PABPC4L: variants seen among roughly 807,000 people sequenced by gnomAD.
The protein encoded by PABPC4L is polyadenylate-binding protein 4-like.
For missense variants in PABPC4L, 452 were observed against 451.4 expected, an observed-to-expected ratio of 1.00 and a Z score of -0.01; for synonymous variants, 169 against 164.1, an observed-to-expected ratio of 1.03 and a Z score of -0.23.
chr4:134,009,532 T>C, the PABPC4L span, among the ~76,000 whole-genome samples: 14 of 152,108 alleles, frequency 9.2e-5, no homozygotes, highest in South Asian at 2.5e-3. Context: ...CAATAGATGT[T>C]TGGGCAGCAC....
At chr4:133,993,449 T>G in the PABPC4L span, among the ~76,000 whole-genome samples, 1 of 152,136 alleles carries the variant, frequency 6.6e-6, no homozygotes, top group Admixed American at 6.6e-5. Context: ...TTTAATAACA[T>G]ATCAGGTGGA....
the PABPC4L span, among the ~76,000 whole-genome samples, chr4:134,161,681 G>A: frequency 6.6e-6 from 1 of 152,086 alleles, no homozygotes. Flanking sequence ...GAATTCTTCA[G>A]TCTCAAAGAA....
the PABPC4L span, among the ~76,000 whole-genome samples, chr4:134,028,751 T>A: frequency 6.6e-6 from 1 of 152,106 alleles, no homozygotes; most frequent in African/African-American, 2.4e-5. Flanking sequence ...GTAATAATAA[T>A]AATATTTATG....
At chr4:134,035,416 T>A in the PABPC4L span, among the ~76,000 whole-genome samples, 1 of 143,550 alleles carries the variant, frequency 7.0e-6, no homozygotes. Flanking sequence ...TATTTTGGAC[T>A]GATGCTTGGT....
the PABPC4L span, among the ~76,000 whole-genome samples, chr4:133,996,942 A>G: frequency 6.6e-6 from 1 of 152,352 alleles, no homozygotes; most frequent in Non-Finnish European, 1.5e-5. Context: ...AAACAAATGT[A>G]GATAAGTTTC....
chr4:134,072,984 A>G, the PABPC4L span, among the ~76,000 whole-genome samples: 2 of 152,118 alleles, frequency 1.3e-5, no homozygotes, highest in Admixed American at 1.3e-4. Flanking sequence ...CTAAAATTCA[A>G]GATGAGATTT....
At chr4:134,055,518 A>G in the PABPC4L span, among the ~76,000 whole-genome samples, 51 of 151,946 alleles carry the variant, frequency 3.4e-4, no homozygotes, top group Non-Finnish European at 6.5e-4. Flanking sequence ...CAGAGCAATG[A>G]AAAAATTTTT....
At chr4:134,147,326 C>T in the PABPC4L span, among the ~76,000 whole-genome samples, 1 of 152,004 alleles carries the variant, frequency 6.6e-6, no homozygotes, top group African/African-American at 2.4e-5. Context: ...GTCTTAGTTT[C>T]AGTTTGGATT....
chr4:133,949,712 C>T, the PABPC4L span, among the ~76,000 whole-genome samples: 1 of 152,100 alleles, frequency 6.6e-6, no homozygotes, highest in East Asian at 1.9e-4. Flanking sequence ...GCTTGTTTTC[C>T]TTCCAAGTCT....
At chr4:134,091,997 C>A in the PABPC4L span, among the ~76,000 whole-genome samples, 1 of 151,906 alleles carries the variant, frequency 6.6e-6, no homozygotes, top group African/African-American at 2.4e-5. Flanking sequence ...AATATATTTG[C>A]TTCATAAGAG....
At chr4:134,184,843 T>A in the PABPC4L span, among the ~76,000 whole-genome samples, 1 of 152,010 alleles carries the variant, frequency 6.6e-6, no homozygotes, top group Admixed American at 6.6e-5. Context: ...ATACATCCCT[T>A]TTGGAATTTG....
the PABPC4L span, among the ~76,000 whole-genome samples, chr4:134,042,766 A>G: frequency 6.6e-6 from 1 of 152,146 alleles, no homozygotes; most frequent in African/African-American, 2.4e-5. Context: ...TTAAACATAA[A>G]CAATAGTGAA....
the PABPC4L span, among the ~76,000 whole-genome samples, chr4:133,982,190 G>A: frequency 2.0e-5 from 3 of 151,904 alleles, no homozygotes; most frequent in Non-Finnish European, 4.4e-5. Flanking sequence ...TGTTAAGTAA[G>A]GTATTTTTGA....
chr4:134,156,533 A>C, the PABPC4L span, among the ~76,000 whole-genome samples: 1 of 151,908 alleles, frequency 6.6e-6, no homozygotes, highest in Non-Finnish European at 1.5e-5. Flanking sequence ...GCACGGAAAA[A>C]AATAATATTT....
the PABPC4L span, among the ~76,000 whole-genome samples, chr4:134,121,525 C>A: frequency 3.3e-5 from 5 of 151,766 alleles, no homozygotes; most frequent in South Asian, 1.0e-3. Flanking sequence ...ATAAATACTA[C>A]TTTATTAGAA....
At chr4:134,143,148 C>T in the PABPC4L span, among the ~76,000 whole-genome samples, 239 of 151,134 alleles carry the variant, frequency 1.6e-3, 2 homozygotes, top group African/African-American at 5.4e-3. Context: ...TATTATAAAA[C>T]CTCAGAGTTT....
chr4:134,199,739 C>T lies in PABPC4L; in HGVS notation c.*168G>A. 3.6e-6 allele frequency: 3 copies of T among 828,700 alleles called. No individual in the cohort carries two copies. The South Asian group carries it at 6.3e-5, about 18-fold the overall frequency. 51.3% of individuals were successfully genotyped at this position (828,700 alleles called of 1,614,324 possible). On this transcript the variant is annotated 3_prime_UTR_variant, in exon 2 of 2. Transcript: ENST00000421491. ...ATGAACTAAGCTCCATCTATTTTTC[C>T]ACAAAAGAAAAAAAATGGCTTTGTA...
chr4:134,094,531 G>A, the PABPC4L span, among the ~76,000 whole-genome samples: 1 of 151,798 alleles, frequency 6.6e-6, no homozygotes, highest in Non-Finnish European at 1.5e-5. Context: ...TTTAAAATTA[G>A]TTTAATAACA....
chr4:134,088,876 G>T, the PABPC4L span, among the ~76,000 whole-genome samples: 1 of 152,098 alleles, frequency 6.6e-6, no homozygotes, highest in African/African-American at 2.4e-5. Context: ...TATTACATAG[G>T]CTTGATAAAC....
Sources: gnomAD v4.1 joint callset for allele counts (sites outside exome capture counted in the v4.1 genomes callset) on GRCh38, gnomAD v4.1.1 for gene constraint, MANE v1.5 for transcripts, NCBI Gene and HGNC (gene_info 2026-07-23, HGNC 2026-07-21) for gene names.